The following LOC400499 variants were observed in gnomAD, a reference collection of about 807,000 sequenced individuals.
the LOC400499 span, among the ~76,000 whole-genome samples, chr16:11,481,202 G>A: frequency 6.6e-6 from 1 of 152,234 alleles, no homozygotes; most frequent in Non-Finnish European, 1.5e-5. Context: ...TAGGAGGAGG[G>A]GCTGCTGGGG....
chr16:11,462,135 CACTCAGCAGATG>C, the LOC400499 span: 4 of 1,514,662 alleles, frequency 2.6e-6, no homozygotes, highest in Non-Finnish European at 2.6e-6. Flanking sequence ...TTGGCCTGGT[CACTCAGCAGATG>C]GCTCAGCGAT....
At chr16:11,383,314 A>G in the LOC400499 span, among the ~76,000 whole-genome samples, 7 of 152,000 alleles carry the variant, frequency 4.6e-5, no homozygotes, top group African/African-American at 1.2e-4. Flanking sequence ...TGATGCACCC[A>G]CCTCAGCCTC....
chr16:11,407,346 GAA>G, the LOC400499 span: 228 of 353,670 alleles, frequency 6.4e-4, no homozygotes, highest in East Asian at 1.5e-3. Context: ...AGCTGGGTCA[GAA>G]AAAAAAAAAA....
chr16:11,450,562 T>G, the LOC400499 span: 1 of 1,516,854 alleles, frequency 6.6e-7, no homozygotes, highest in South Asian at 1.2e-5. Context: ...GAAAAAGATC[T>G]CAGTGGCAGG....
the LOC400499 span, chr16:11,494,493 C>CACACCA: frequency 2.8e-6 from 1 of 351,984 alleles, no homozygotes; most frequent in Admixed American, 4.7e-5. Context: ...CACCCCCACC[C>CACACCA]TCTCCACCTG....
chr16:11,467,173 A>G, the LOC400499 span: 114,801 of 153,230 alleles, frequency 0.75, 43,615 homozygotes, highest in Admixed American at 0.8. Flanking sequence ...GGCTGGTCTC[A>G]AACTCCTGGC....
the LOC400499 span, among the ~76,000 whole-genome samples, chr16:11,516,627 G>A: frequency 6.6e-6 from 1 of 152,180 alleles, no homozygotes; most frequent in East Asian, 1.9e-4. Flanking sequence ...CCAAGGAGCT[G>A]AAGGCATTCT....
At chr16:11,510,349 C>T in the LOC400499 span, among the ~76,000 whole-genome samples, 1 of 151,840 alleles carries the variant, frequency 6.6e-6, no homozygotes, top group African/African-American at 2.4e-5. Flanking sequence ...CTCTCCTTAG[C>T]CCCCCAGGTG....
the LOC400499 span, among the ~76,000 whole-genome samples, chr16:11,383,438 G>C: frequency 6.6e-6 from 1 of 152,164 alleles, no homozygotes; most frequent in Non-Finnish European, 1.5e-5. Context: ...TCACCAAACG[G>C]AGGGCACTAG....
chr16:11,451,723 G>A, the LOC400499 span, among the ~76,000 whole-genome samples: 17 of 152,326 alleles, frequency 1.1e-4, no homozygotes, highest in African/African-American at 3.9e-4. Flanking sequence ...TGACAGACAA[G>A]GGGGAGTTGA....
At chr16:11,426,365 G>A in the LOC400499 span, among the ~76,000 whole-genome samples, 3 of 152,030 alleles carry the variant, frequency 2.0e-5, no homozygotes, top group Non-Finnish European at 2.9e-5. Flanking sequence ...GAAACTGGGA[G>A]GTGGAGGTTG....
chr16:11,391,608 T>A, the LOC400499 span: 3 of 1,215,442 alleles, frequency 2.5e-6, no homozygotes, highest in East Asian at 9.5e-5. Flanking sequence ...AGGGCCCCGG[T>A]GGAGAGGGGG....
chr16:11,383,288 C>G, the LOC400499 span, among the ~76,000 whole-genome samples: 3 of 152,134 alleles, frequency 2.0e-5, no homozygotes, highest in Non-Finnish European at 4.4e-5. Flanking sequence ...AGGATGGTCT[C>G]GATCTCCTGA....
the LOC400499 span, chr16:11,521,951 C>T: frequency 2.5e-6 from 1 of 399,256 alleles, no homozygotes; most frequent in East Asian, 3.6e-5. Flanking sequence ...AAGACACTCA[C>T]CCATAAAGCC....
chr16:11,436,075 C>G, the LOC400499 span, among the ~76,000 whole-genome samples: 1 of 152,194 alleles, frequency 6.6e-6, no homozygotes, highest in Non-Finnish European at 1.5e-5. Flanking sequence ...GGCTCCAGCT[C>G]CTGGCCCAGG....
chr16:11,447,001 G>C, the LOC400499 span: 2 of 1,403,696 alleles, frequency 1.4e-6, no homozygotes, highest in South Asian at 1.4e-5. Flanking sequence ...GCCTGGGCCT[G>C]TCACGAGCTT....
At chr16:11,435,214 G>A in the LOC400499 span, among the ~76,000 whole-genome samples, 3 of 152,104 alleles carry the variant, frequency 2.0e-5, no homozygotes, top group Admixed American at 1.3e-4. Context: ...CTGAGCTCAA[G>A]CAATCCTCCC....
chr16:11,433,503 T>C, the LOC400499 span, among the ~76,000 whole-genome samples: 80 of 152,306 alleles, frequency 5.3e-4, no homozygotes, highest in African/African-American at 1.8e-3. Flanking sequence ...ATATATTTGG[T>C]CTCTGTCCCT....
chr16:11,510,089 T>C, the LOC400499 span, among the ~76,000 whole-genome samples: 1 of 151,616 alleles, frequency 6.6e-6, no homozygotes, highest in Admixed American at 6.5e-5. Context: ...TGGCAGAAAC[T>C]GCCCTCTGCT....
Sources: allele counts gnomAD v4.1 joint callset (sites outside exome capture counted in the v4.1 genomes callset), GRCh38; gene constraint gnomAD v4.1.1; transcripts MANE v1.5.